EDEM3: variants seen among roughly 807,000 people sequenced by gnomAD.
EDEM3 encodes the protein ER degradation enhancing alpha-mannosidase like protein 3.
A neutral mutation model predicts 110.2 loss-of-function variants in EDEM3; 60 were observed. The ratio of observed to expected loss-of-function variants is 0.54; its 90% confidence interval spans 0.44 to 0.67. The LOEUF is 0.67. Ranked by LOEUF, EDEM3 falls within the 30% of genes least tolerant of loss-of-function variation. EDEM3 has a pLI of 0.00. For synonymous variants in EDEM3, 352 were observed against 382.9 expected, an observed-to-expected ratio of 0.92 and a Z score of 0.94; for missense variants, 996 against 1,121.0, an observed-to-expected ratio of 0.89 and a Z score of 1.59.
At chr1:184,729,033 T>C (rs914548811) in intron 6 of EDEM3, among the ~76,000 whole-genome samples, 4 of 152,146 alleles carry the variant, frequency 2.6e-5, no homozygotes, top group Non-Finnish European at 2.9e-5. Context: ...CTGGTGGATC[T>C]AGGGGCTGGT....
At chr1:184,720,269 A>ATT (rs34298571) in intron 9 of EDEM3, among the ~76,000 whole-genome samples, 3 of 149,782 alleles carry the variant, frequency 2.0e-5, no homozygotes, top group Non-Finnish European at 4.5e-5. Flanking sequence ...ACTTTTACTA[A>ATT]TTTTTTTTTT....
At chr1:184,726,785 G>C (rs909158436) in intron 6 of EDEM3, among the ~76,000 whole-genome samples, 1 of 152,050 alleles carries the variant, frequency 6.6e-6, no homozygotes, top group Non-Finnish European at 1.5e-5. Flanking sequence ...AAGAAATTAG[G>C]GTTAGTTTAG....
At position 184,752,398 on chromosome 1, in the gene EDEM3, C is replaced by T. The variant is rs111946079; in HGVS notation, c.158+2091G>A. Among the ~76,000 whole-genome samples the T allele has an allele frequency of 4.6e-5, 7 of 152,114 alleles. No homozygotes were observed. In the South Asian group the frequency reaches 6.2e-4, roughly 14 times the overall value. ...AAATGCACAGGTAAACCTAATGAAT[C>T]AAAGTTCAGTTTTCTGAAAATTCCC... On this transcript the variant is annotated intron_variant, in intron 1 of 19. Coordinates refer to ENST00000318130, the MANE Select transcript of EDEM3 (RefSeq NM_025191.4).
intron 13 of EDEM3, among the ~76,000 whole-genome samples, chr1:184,715,726 T>C (rs920160564): frequency 2.6e-5 from 4 of 152,180 alleles, no homozygotes; most frequent in African/African-American, 7.2e-5. Context: ...GTTAAACACA[T>C]AAAATGCTTA....
In EDEM3 at chr1:184,750,591, C is replaced by A. The variant is rs1211692143; in HGVS notation, c.159-999G>T. On this transcript the variant is annotated intron_variant, in intron 1 of 19. Coordinates refer to ENST00000318130, the MANE Select transcript of EDEM3 (RefSeq NM_025191.4). ...GCAGTGGCACGATCTCAGCTCACTGCAACCTTCACCTCCCAGGTTCAAGCG... is the reference window on the plus strand; with the variant it reads ...GCAGTGGCACGATCTCAGCTCACTGAAACCTTCACCTCCCAGGTTCAAGCG... 2.0e-5 allele frequency among the ~76,000 whole-genome samples: 3 copies of A among 151,520 alleles called. No homozygotes were observed. In the East Asian group the frequency reaches 5.8e-4, roughly 29 times the overall value.
intron 8 of EDEM3, among the ~76,000 whole-genome samples, chr1:184,721,847 A>G (rs1650920446): frequency 6.7e-6 from 1 of 149,172 alleles, no homozygotes; most frequent in South Asian, 2.1e-4. Flanking sequence ...CTTAACCAGT[A>G]AAAAAAAAAT....
In EDEM3 at chr1:184,749,489, G is replaced by A. The variant is rs1199671020; in HGVS notation, c.204+58C>T. The A allele has an allele frequency of 5.4e-6, 7 of 1,290,296 alleles. No individual in the cohort carries two copies. The African/African-American group carries it at 9.2e-5, about 17-fold the overall frequency. The allele number at this position is 1,290,296 out of a possible 1,614,324, so 79.9% of individuals were successfully genotyped here. ...TAGGTTTCAAAATTCCCAGTTGACTGTGCTCACATAATAATCAACTCACAT... is the reference window on the plus strand; with the variant it reads ...TAGGTTTCAAAATTCCCAGTTGACTATGCTCACATAATAATCAACTCACAT... On this transcript the variant is annotated intron_variant, in intron 2 of 19. Transcript: ENST00000318130.
chr1:184,737,794 AAAAAT>A, intron 2 of EDEM3, 83 bp from the exon 3 acceptor site: 5 of 1,196,900 alleles, frequency 4.2e-6, no homozygotes, highest in Non-Finnish European at 5.9e-6. Context: ...TTCACAGTTA[AAAAAT>A]AAAATAATAG....
At chr1:184,745,443 A>T (rs1160772679) in intron 2 of EDEM3, among the ~76,000 whole-genome samples, 1 of 152,156 alleles carries the variant, frequency 6.6e-6, no homozygotes, top group Admixed American at 6.5e-5. Context: ...CACCGAGTAC[A>T]GAGTTTCAGA....
intron 19 of EDEM3, among the ~76,000 whole-genome samples, chr1:184,697,470 A>G (rs1649391254): frequency 6.6e-6 from 1 of 152,028 alleles, no homozygotes; most frequent in Non-Finnish European, 1.5e-5. Flanking sequence ...ATAATAAAAT[A>G]TACTCAAAAC....
chr1:184,705,654 A>G (rs1198201523), intron 18 of EDEM3, among the ~76,000 whole-genome samples: 1 of 152,146 alleles, frequency 6.6e-6, no homozygotes, highest in African/African-American at 2.4e-5. Context: ...ATTCTGTTTT[A>G]CCTGAACTAT....
intron 9 of EDEM3, 30 bp from the exon 10 acceptor site, chr1:184,719,598 G>T (rs1288745077): frequency 1.9e-6 from 3 of 1,605,544 alleles, no homozygotes; most frequent in Non-Finnish European, 2.5e-6. Context: ...GTTCATGAAA[G>T]TTAGATGAAA....
At chr1:184,732,704 T>G in intron 6 of EDEM3, 133 bp downstream of exon 6, 1 of 773,866 alleles carries the variant, frequency 1.3e-6, no homozygotes, top group East Asian at 2.8e-5. Context: ...AAAATATAAA[T>G]TTGTTATATA....
chr1:184,727,724 T>C (rs1005631010), intron 6 of EDEM3, among the ~76,000 whole-genome samples: 1 of 152,190 alleles, frequency 6.6e-6, no homozygotes, highest in African/African-American at 2.4e-5. Context: ...AAGTGCCACT[T>C]GAGACATTTT....
At chr1:184,724,539 A>G (rs1434544008) in intron 7 of EDEM3, among the ~76,000 whole-genome samples, 1 of 152,198 alleles carries the variant, frequency 6.6e-6, no homozygotes, top group East Asian at 1.9e-4. Flanking sequence ...ATATAAATGC[A>G]AAGGGCAAGT....
chr1:184,717,765 T>C (rs1650634412), intron 11 of EDEM3, 142 bp from the exon 12 acceptor site: 2 of 532,204 alleles, frequency 3.8e-6, no homozygotes, highest in East Asian at 3.6e-5. Context: ...TCAATTTTCA[T>C]TGCTTAAAAT....
intron 6 of EDEM3, 32 bp downstream of exon 6, chr1:184,732,805 T>C (rs542827179): frequency 3.1e-6 from 5 of 1,602,126 alleles, no homozygotes; most frequent in African/African-American, 1.3e-5. Context: ...AAAGAAAGTA[T>C]ATAAAGACTC....
intron 6 of EDEM3, among the ~76,000 whole-genome samples, chr1:184,730,863 GAA>G (rs758387778): frequency 1.7e-5 from 2 of 120,744 alleles, no homozygotes; most frequent in Admixed American, 8.4e-5. Flanking sequence ...GGCATGGAAT[GAA>G]AAAAAAAAAA....
intron 15 of EDEM3, 128 bp from the exon 16 acceptor site, chr1:184,710,675 A>G: frequency 9.2e-7 from 1 of 1,083,236 alleles, no homozygotes; most frequent in South Asian, 1.8e-5. Flanking sequence ...TGGAATAACT[A>G]GAAAGTATTT....
Sources: gnomAD v4.1 joint callset for allele counts (sites outside exome capture counted in the v4.1 genomes callset) on GRCh38, gnomAD v4.1.1 for gene constraint, MANE v1.5 for transcripts, NCBI Gene and HGNC (gene_info 2026-07-23, HGNC 2026-07-21) for gene names.